The following SIM2 variants were observed in gnomAD, a reference collection of about 807,000 sequenced individuals.
SIM2 encodes single-minded homolog 2.
In SIM2, 28 loss-of-function variants were observed where a neutral mutation model predicts 64.8. The observed-to-expected ratio is 0.43, with a 90% CI of 0.32 to 0.59. The LOEUF (loss-of-function observed/expected upper bound fraction) is 0.59, where lower values mean the gene tolerates loss of function less well. Ranked by LOEUF, SIM2 falls within the 20% of genes least tolerant of loss-of-function variation. The pLI is 0.07. For missense variants in SIM2, 847 were observed against 871.4 expected (o/e 0.97, Z 0.35); for synonymous variants, 408 against 391.1 (o/e 1.04, Z -0.51).
intron 4 of SIM2, among the ~76,000 whole-genome samples, chr21:36,722,304 G>C (rs1049949389): frequency 6.6e-6 from 1 of 152,200 alleles, no homozygotes; most frequent in Non-Finnish European, 1.5e-5. Context: ...CCTCTGAGGT[G>C]ATTCCTGAGC....
chr21:36,704,715 C>T (rs954125378), intron 1 of SIM2, among the ~76,000 whole-genome samples: 5 of 152,210 alleles, frequency 3.3e-5, no homozygotes, highest in Non-Finnish European at 4.4e-5. Context: ...AATGGGGGCA[C>T]CGGGCCTTCT....
chr21:36,722,350 C>G (rs926526243), intron 4 of SIM2, among the ~76,000 whole-genome samples: 1 of 152,174 alleles, frequency 6.6e-6, no homozygotes, highest in Non-Finnish European at 1.5e-5. Context: ...GGGTGGAAGA[C>G]TTTGCTTCCA....
At chr21:36,721,046 G>A (rs1196740024) in intron 4 of SIM2, among the ~76,000 whole-genome samples, 1 of 152,202 alleles carries the variant, frequency 6.6e-6, no homozygotes. Flanking sequence ...TCATTCTCGG[G>A]CTGGGAAGAG....
rs2089214140 is a variant in SIM2 at position 36,745,146 on chromosome 21, G to A, written c.1576+10G>A. ...GTGCCAAGCTACGAAGGTGGGTCAG[G>A]TCTGCTCGTGGGGAAGGTGGGAGGA... On this transcript the variant is annotated intron_variant, in intron 10 of 10. Transcript: ENST00000290399. This position sits in a 1 kb window ranked among gnomAD's most constrained non-coding sequence, Gnocchi z 4.8. 1 of 1,603,938 alleles carries A rather than the reference G, an allele frequency of 6.2e-7. No homozygotes were observed. Among genetic ancestry groups the A allele is most frequent in the Non-Finnish European group, 8.5e-7 (1 of 1,174,762 alleles).
rs2089242459 is a variant in SIM2, at chr21:36,747,384, C to T, written c.1577-281C>T. ...AAAATATCCCAATAATTGTTTCACA[C>T]GGATTCCATTGAGAGAGTATTTTGG... On this transcript the variant is annotated intron_variant, in intron 10 of 10. Transcript: ENST00000290399. The surrounding 1 kb of genome is among the most constrained non-coding windows in gnomAD (Gnocchi z 4.5). Among the ~76,000 whole-genome samples, 1 of 152,170 alleles carries T rather than the reference C, an allele frequency of 6.6e-6. No individual in the cohort carries two copies. The highest frequency in any genetic ancestry group is 1.9e-4 in the East Asian group (1 of 5,196).
At chr21:36,728,704 G>A (rs887609140) in intron 6 of SIM2, among the ~76,000 whole-genome samples, 30 of 152,222 alleles carry the variant, frequency 2.0e-4, no homozygotes, top group African/African-American at 5.8e-4. Context: ...GTGACCAAGG[G>A]GATGGGGCCT....
At chr21:36,728,482 G>C (rs936875712) in intron 6 of SIM2, among the ~76,000 whole-genome samples, 1 of 152,262 alleles carries the variant, frequency 6.6e-6, no homozygotes, top group Admixed American at 6.5e-5. Context: ...CGCGTCTCAG[G>C]GTGTAGGGGC....
intron 6 of SIM2, among the ~76,000 whole-genome samples, chr21:36,730,148 C>T (rs2088945781): frequency 6.6e-6 from 1 of 152,194 alleles, no homozygotes; most frequent in African/African-American, 2.4e-5. Context: ...ATCCTGAGAC[C>T]ATCTGTGCCA....
In SIM2 at chr21:36,727,094, A is replaced by G. The variant is rs546983817; in HGVS notation, c.743+776A>G. On this transcript the variant is annotated intron_variant, in intron 6 of 10. Transcript: ENST00000290399. ...GCTCTTTTGCCCAGGCTGGAATGCA[A>G]TGGTGCGATCTCAGCTCACTGCAAC... 6.6e-5 allele frequency among the ~76,000 whole-genome samples: 10 copies of G among 152,252 alleles called. 1 individual carries two copies. In the South Asian group the frequency reaches 2.1e-3, roughly 32 times the overall value.
intron 1 of SIM2, among the ~76,000 whole-genome samples, chr21:36,708,121 C>G (rs1324510158): frequency 6.6e-6 from 1 of 152,196 alleles, no homozygotes; most frequent in East Asian, 1.9e-4. Context: ...TGCACCGACC[C>G]TCGCCATCTG....
At chr21:36,702,832 C>T (rs2088521831) in intron 1 of SIM2, among the ~76,000 whole-genome samples, 3 of 149,342 alleles carry the variant, frequency 2.0e-5, no homozygotes, top group African/African-American at 7.4e-5. Flanking sequence ...CTCTCAGCTG[C>T]AAGGTGAAAA....
chr21:36,745,844 C>A lies in SIM2; in HGVS notation c.1576+708C>A. The A allele has an allele frequency of 7.7e-7, 1 of 1,303,832 alleles. No individual in the cohort carries two copies. The highest frequency in any genetic ancestry group is 1.0e-6 in the Non-Finnish European group (1 of 988,670). 80.8% of individuals were successfully genotyped at this position (1,303,832 alleles called of 1,614,324 possible). On this transcript the variant is annotated intron_variant, in intron 10 of 10. Coordinates refer to ENST00000290399, the MANE Select transcript of SIM2 (RefSeq NM_005069.6). The surrounding 1 kb of genome is among the most constrained non-coding windows in gnomAD (Gnocchi z 4.8). The stretch of plus-strand genomic sequence containing the variant: ...TACCGCCAGCTCCCCAGGACGCAGA[C>A]TGACTCCTGTTTGCTCGCTGGACCA...
At chr21:36,739,117 GA>G (rs1425526340) in intron 7 of SIM2, among the ~76,000 whole-genome samples, 4 of 152,196 alleles carry the variant, frequency 2.6e-5, no homozygotes, top group Non-Finnish European at 2.9e-5. Flanking sequence ...AAGGAAAGCT[GA>G]AAAGAAGAAA....
At chr21:36,724,213 T>A (rs1450256035) in intron 5 of SIM2, among the ~76,000 whole-genome samples, 1 of 152,220 alleles carries the variant, frequency 6.6e-6, no homozygotes, top group Non-Finnish European at 1.5e-5. Flanking sequence ...TTCCTTTTTG[T>A]CCCAGATACT....
At position 36,726,165 on chromosome 21, in the gene SIM2, A is replaced by T. The variant is rs752152751; in HGVS notation, c.590A>T (p.Asp197Val). The T allele has an allele frequency of 6.2e-7, 1 of 1,614,042 alleles. No homozygotes were observed. Among genetic ancestry groups the T allele is most frequent in the Non-Finnish European group, 8.5e-7 (1 of 1,180,046 alleles). ...GYLKIRQYML[D>V]MSLYDSCYQI... ...TTGAAGATCAGGCAGTATATGCTGG[A>T]CATGTCCCTGTACGACTCCTGCTAC... The change falls in exon 6 of 11, where the codon GAC (aspartate) becomes GTC (valine). Residue 197 changes from aspartate (D) to valine (V), a missense_variant. This residue lies in a region of SIM2 where 397 missense variants were observed against 439.2 expected (regional missense o/e 0.90). Coordinates refer to ENST00000290399, the MANE Select transcript of SIM2 (RefSeq NM_005069.6). The surrounding 1 kb of genome is among the most constrained non-coding windows in gnomAD (Gnocchi z 4.5).
intron 7 of SIM2, among the ~76,000 whole-genome samples, chr21:36,737,052 G>A (rs2089071018): frequency 6.6e-6 from 1 of 152,046 alleles, no homozygotes; most frequent in African/African-American, 2.4e-5. Flanking sequence ...TCAGCCTCCT[G>A]AGTAGCTGGG....
At chr21:36,709,788 G>C (rs984534954) in intron 2 of SIM2, 1 of 244,316 alleles carries the variant, frequency 4.1e-6, no homozygotes, top group Non-Finnish European at 8.0e-6. Context: ...CTCCCATCTA[G>C]AGTGGATTCT....
In SIM2 at chr21:36,747,451, T is replaced by G. The variant is rs961060690; in HGVS notation, c.1577-214T>G. 6.6e-6 allele frequency among the ~76,000 whole-genome samples: 1 copy of G among 152,164 alleles called. No individual in the cohort carries two copies. The highest frequency in any genetic ancestry group is 1.5e-5 in the Non-Finnish European group (1 of 68,016). ...TGTATTACTTAACAGGCATTCCACC[T>G]GTTTCCCTGCTTTGTAACGCGGCTC... On this transcript the variant is annotated intron_variant, in intron 10 of 10. Coordinates refer to ENST00000290399, the MANE Select transcript of SIM2 (RefSeq NM_005069.6). The surrounding 1 kb of genome is among the most constrained non-coding windows in gnomAD (Gnocchi z 4.5).
At chr21:36,742,625 C>A (rs938806744) in intron 8 of SIM2, among the ~76,000 whole-genome samples, 1 of 152,104 alleles carries the variant, frequency 6.6e-6, no homozygotes, top group Non-Finnish European at 1.5e-5. Context: ...TATTACTTTC[C>A]ACCCACCATA....
Sources: gnomAD v4.1 joint callset for allele counts (sites outside exome capture counted in the v4.1 genomes callset) on GRCh38, gnomAD v4.1.1 for gene constraint, gnomAD v4.1.1 regional missense constraint, Gnocchi (gnomAD v3.1) non-coding constraint, MANE v1.5 for transcripts, NCBI Gene and HGNC (gene_info 2026-07-23, HGNC 2026-07-21) for gene names.